The following CLSTN2 variants were observed in gnomAD, a reference collection of about 807,000 sequenced individuals.
CLSTN2 encodes the protein calsyntenin 2.
Under a neutral mutation model 101.2 loss-of-function variants are expected in CLSTN2, and 48 were observed. That is an observed-to-expected ratio of 0.47 (90% confidence interval 0.38 to 0.60). The LOEUF (loss-of-function observed/expected upper bound fraction) is 0.60. Ranked by LOEUF, CLSTN2 falls within the 20% of genes least tolerant of loss-of-function variation. The pLI, the probability that CLSTN2 is intolerant of heterozygous loss-of-function variation, is 0.00. For missense variants in CLSTN2, 1,160 were observed against 1,238.2 expected (o/e 0.94, Z 0.95); for synonymous variants, 481 against 463.6 (o/e 1.04, Z -0.48).
chr3:140,389,919 C>T (rs935609437), intron 2 of CLSTN2, among the ~76,000 whole-genome samples: 3 of 152,058 alleles, frequency 2.0e-5, no homozygotes, highest in African/African-American at 7.2e-5. Flanking sequence ...ATATCTGTGA[C>T]AGATTTTGGT....
intron 1 of CLSTN2, among the ~76,000 whole-genome samples, chr3:139,981,330 A>G (rs1453423384): frequency 1.3e-5 from 2 of 152,230 alleles, no homozygotes; most frequent in Non-Finnish European, 2.9e-5. Flanking sequence ...GGACACAGGT[A>G]GAACATCAGC....
chr3:140,498,420 CAG>C (rs548239467), intron 8 of CLSTN2, among the ~76,000 whole-genome samples: 1 of 152,166 alleles, frequency 6.6e-6, no homozygotes, highest in Non-Finnish European at 1.5e-5. Flanking sequence ...GTGAACCACA[CAG>C]AGTATTTGCC....
intron 1 of CLSTN2, among the ~76,000 whole-genome samples, chr3:140,041,263 G>A (rs1316051205): frequency 3.3e-5 from 5 of 152,186 alleles, no homozygotes; most frequent in African/African-American, 7.2e-5. Flanking sequence ...ACTTGGCCAC[G>A]TACAGCCAGC....
At chr3:140,338,851 C>A (rs968565981) in intron 2 of CLSTN2, among the ~76,000 whole-genome samples, 3 of 152,180 alleles carry the variant, frequency 2.0e-5, no homozygotes, top group Non-Finnish European at 4.4e-5. Flanking sequence ...TATAGCCTGG[C>A]TAGCTGCTAC....
At chr3:140,145,368 A>G (rs1576444461) in intron 1 of CLSTN2, among the ~76,000 whole-genome samples, 1 of 152,344 alleles carries the variant, frequency 6.6e-6, no homozygotes, top group African/African-American at 2.4e-5. Flanking sequence ...AGAGGCATAA[A>G]GTTTCTGGGG....
At chr3:140,168,591 T>C (rs1462451541) in intron 1 of CLSTN2, among the ~76,000 whole-genome samples, 1 of 152,052 alleles carries the variant, frequency 6.6e-6, no homozygotes, top group Admixed American at 6.6e-5. Context: ...ACACTAAGAT[T>C]TTCTGATATG....
At chr3:139,989,062 C>G (rs1485165307) in intron 1 of CLSTN2, among the ~76,000 whole-genome samples, 1 of 152,186 alleles carries the variant, frequency 6.6e-6, no homozygotes. Flanking sequence ...TTGGGGAGCA[C>G]TTGGACTTGT....
chr3:140,354,237 A>C (rs1009343146), intron 2 of CLSTN2, among the ~76,000 whole-genome samples: 7 of 152,314 alleles, frequency 4.6e-5, no homozygotes, highest in Non-Finnish European at 1.0e-4. Context: ...CCAGAGTTGC[A>C]TGGATTAGGA....
At chr3:140,164,544 T>C (rs2010101422) in intron 1 of CLSTN2, among the ~76,000 whole-genome samples, 1 of 152,198 alleles carries the variant, frequency 6.6e-6, no homozygotes, top group Non-Finnish European at 1.5e-5. Flanking sequence ...TTAACTAAAA[T>C]ATCCTGTTGG....
At chr3:140,140,701 TTTG>T (rs1290596179) in intron 1 of CLSTN2, among the ~76,000 whole-genome samples, 1 of 152,186 alleles carries the variant, frequency 6.6e-6, no homozygotes, top group Non-Finnish European at 1.5e-5. Flanking sequence ...TGATAAATAG[TTTG>T]TTGTTTTATT....
chr3:140,568,330 G>A lies in CLSTN2; in HGVS notation c.*2077G>A, dbSNP rs1985369120. 6.6e-6 allele frequency: 1 copy of A among 152,218 alleles called. No individual in the cohort carries two copies. The highest frequency in any genetic ancestry group is 2.1e-4 in the South Asian group (1 of 4,824). The allele number at this position is 152,218 out of a possible 1,614,324, so 9.4% of individuals were successfully genotyped here. ...TACACAAGAGACAAATGAAGAGGAA[G>A]AGAAGTCACAAGAGAAGAAGGATGC... On this transcript the variant is annotated 3_prime_UTR_variant, in exon 17 of 17. Transcript: ENST00000458420.
intron 1 of CLSTN2, among the ~76,000 whole-genome samples, chr3:139,947,458 C>G (rs1003825336): frequency 2.6e-5 from 4 of 152,210 alleles, no homozygotes; most frequent in Admixed American, 2.6e-4. Flanking sequence ...TGTTATCATT[C>G]AGGAAACTCA....
chr3:140,114,269 T>C (rs2009203189), intron 1 of CLSTN2, among the ~76,000 whole-genome samples: 1 of 152,190 alleles, frequency 6.6e-6, no homozygotes, highest in Non-Finnish European at 1.5e-5. Flanking sequence ...TTCTCCCACT[T>C]TTTGTGCTTT....
intron 2 of CLSTN2, among the ~76,000 whole-genome samples, chr3:140,197,023 C>G (rs1381438604): frequency 6.6e-6 from 1 of 152,146 alleles, no homozygotes; most frequent in Non-Finnish European, 1.5e-5. Flanking sequence ...CAGAATCCTG[C>G]AGCTGGAGAT....
chr3:140,169,768 G>A (rs866405837), intron 1 of CLSTN2, among the ~76,000 whole-genome samples: 56 of 152,002 alleles, frequency 3.7e-4, no homozygotes, highest in African/African-American at 1.3e-3. Flanking sequence ...ATATATTGAA[G>A]GGATGAAGCT....
chr3:140,104,271 G>A (rs558310553), intron 1 of CLSTN2, among the ~76,000 whole-genome samples: 18 of 152,162 alleles, frequency 1.2e-4, no homozygotes, highest in African/African-American at 2.4e-4. Context: ...GCAGGCTGGC[G>A]GCACAAGAGA....
chr3:140,127,113 G>T (rs570865270), intron 1 of CLSTN2, among the ~76,000 whole-genome samples: 1 of 151,754 alleles, frequency 6.6e-6, no homozygotes, highest in Non-Finnish European at 1.5e-5. Flanking sequence ...ACTTTCTAAA[G>T]TCTGGGAGAA....
At position 140,111,706 on chromosome 3, in the gene CLSTN2, C is replaced by T. The variant is rs902043392; in HGVS notation, c.110-64245C>T. Among the ~76,000 whole-genome samples, 5 of 152,032 alleles carry T rather than the reference C, an allele frequency of 3.3e-5. No individual in the cohort carries two copies. In the East Asian group the frequency reaches 7.7e-4, roughly 23 times the overall value. ...GCCTACAAGAGGAGTAAAAATGGCCCGTCTCTTCAAGCAGTCAAGGTATAG... is the reference window on the plus strand; with the variant it reads ...GCCTACAAGAGGAGTAAAAATGGCCTGTCTCTTCAAGCAGTCAAGGTATAG... On this transcript the variant is annotated intron_variant, in intron 1 of 16. Coordinates refer to ENST00000458420, the MANE Select transcript of CLSTN2 (RefSeq NM_022131.3).
At chr3:140,373,561 C>G (rs1026182224) in intron 2 of CLSTN2, among the ~76,000 whole-genome samples, 7 of 152,192 alleles carry the variant, frequency 4.6e-5, no homozygotes, top group Admixed American at 3.3e-4. Context: ...TCCCTTGATT[C>G]AGGCTGTGGG....
Sources: allele counts gnomAD v4.1 joint callset (sites outside exome capture counted in the v4.1 genomes callset), GRCh38; gene constraint gnomAD v4.1.1; transcripts MANE v1.5; gene names NCBI Gene and HGNC (gene_info 2026-07-23, HGNC 2026-07-21).